DNAI1: variants seen among roughly 807,000 people sequenced by gnomAD.
The protein encoded by DNAI1 is dynein, axonemal, intermediate polypeptide 1.
In DNAI1, 67 loss-of-function variants were observed where a neutral mutation model predicts 92.0. The observed-to-expected ratio is 0.73, with a 90% CI of 0.60 to 0.89. The LOEUF (loss-of-function observed/expected upper bound fraction) is 0.89, where lower values mean the gene tolerates loss of function less well. DNAI1 is among the 40% of genes least tolerant of loss of function. DNAI1 has a pLI of 0.00. For synonymous variants in DNAI1, 323 were observed against 319.6 expected (o/e 1.01, Z -0.11); for missense variants, 839 against 866.6 (o/e 0.97, Z 0.40).
intron 1 of DNAI1, among the ~76,000 whole-genome samples, chr9:34,466,904 T>C (rs1265723786): frequency 6.6e-6 from 1 of 152,224 alleles, no homozygotes; most frequent in African/African-American, 2.4e-5. Context: ...AACATTTCCA[T>C]GAATATCTCC....
intron 8 of DNAI1, 88 bp from the exon 9 acceptor site, chr9:34,493,106 C>A: frequency 6.3e-7 from 1 of 1,583,476 alleles, no homozygotes; most frequent in Non-Finnish European, 8.7e-7. Context: ...GTTAACATGA[C>A]CAATTCCTTA....
At chr9:34,499,092 C>T (rs1824777543) in intron 10 of DNAI1, among the ~76,000 whole-genome samples, 1 of 152,168 alleles carries the variant, frequency 6.6e-6, no homozygotes, top group Non-Finnish European at 1.5e-5. Context: ...ACTCCTTTCC[C>T]TTTGGGAAAG....
At chr9:34,494,135 G>T (rs1564034504) in intron 9 of DNAI1, among the ~76,000 whole-genome samples, 1 of 152,066 alleles carries the variant, frequency 6.6e-6, no homozygotes, top group Non-Finnish European at 1.5e-5. Flanking sequence ...CTGGGGGCTG[G>T]TTTTCAGCAC....
chr9:34,516,460 G>T (rs1398755896), intron 18 of DNAI1, among the ~76,000 whole-genome samples: 1 of 152,182 alleles, frequency 6.6e-6, no homozygotes, highest in African/African-American at 2.4e-5. Context: ...GTCTGAGGGT[G>T]TGGTGAAGGT....
At chr9:34,520,519 G>C in intron 19 of DNAI1, 139 bp from the exon 20 acceptor site, 1 of 777,784 alleles carries the variant, frequency 1.3e-6, no homozygotes, top group East Asian at 2.7e-5. Flanking sequence ...GTCAGGGAGA[G>C]GGGAGGCAGG....
In DNAI1 at chr9:34,485,229, T is replaced by C. The variant is rs779175158; in HGVS notation, c.169T>C (p.Leu57=). 7 of 1,613,942 alleles carry C rather than the reference T, an allele frequency of 4.3e-6. No individual in the cohort carries two copies. Among genetic ancestry groups the C allele is most frequent in the Non-Finnish European group, 5.9e-6 (7 of 1,180,004 alleles). Residue 57 remains leucine, a synonymous_variant, in exon 3 of 20, where the codon TTG becomes CTG. Coordinates refer to ENST00000242317, the MANE Select transcript of DNAI1 (RefSeq NM_012144.4). ...ATVRPPDQLE[L]TDAELKEEFT... Reference sequence around the variant, plus strand: ...AGTTAGACCCCCTGACCAGCTGGAGTTGACCGATGCGGTGAGTGAGTAGCC... The same window carrying C: ...AGTTAGACCCCCTGACCAGCTGGAGCTGACCGATGCGGTGAGTGAGTAGCC...
At chr9:34,515,447 C>A (rs940437165) in intron 18 of DNAI1, among the ~76,000 whole-genome samples, 2 of 152,094 alleles carry the variant, frequency 1.3e-5, no homozygotes, top group African/African-American at 4.8e-5. Flanking sequence ...AGCTTATGTT[C>A]TAGTGAAGGG....
rs150107677 is a variant in DNAI1 at position 34,517,454 on chromosome 9, G to A, written c.1988G>A (p.Arg663His). 2.1e-5 allele frequency: 34 copies of A among 1,614,040 alleles called. No individual in the cohort carries two copies. Among genetic ancestry groups the A allele is most frequent in the African/African-American group, 6.7e-5 (5 of 74,906 alleles). Residue 663 changes from arginine to histidine, a missense_variant, in exon 19 of 20, where the codon CGC becomes CAC. Transcript: ENST00000242317. ...AGCCTCAAGCTCTCACCCAATTTGCGCAAGATGCCAAAGGTACAGGCTCTG... is the reference window on the plus strand; with the variant it reads ...AGCCTCAAGCTCTCACCCAATTTGCACAAGATGCCAAAGGTACAGGCTCTG... ...IISLKLSPNL[R>H]KMPKEKKGQE...
chr9:34,473,568 A>G (rs1824180573), intron 1 of DNAI1, among the ~76,000 whole-genome samples: 1 of 152,194 alleles, frequency 6.6e-6, no homozygotes, highest in South Asian at 2.1e-4. Flanking sequence ...CCGGGATTAC[A>G]GGTGTGAGCC....
intron 16 of DNAI1, 42 bp from the exon 17 acceptor site, chr9:34,514,352 G>A (rs768256558): frequency 2.0e-5 from 32 of 1,609,126 alleles, no homozygotes; most frequent in Non-Finnish European, 2.6e-5. Flanking sequence ...GGTGGCTGCT[G>A]ACCTTTCTCT....
intron 1 of DNAI1, among the ~76,000 whole-genome samples, chr9:34,467,861 A>C (rs1176276168): frequency 2.0e-5 from 3 of 152,198 alleles, no homozygotes; most frequent in Non-Finnish European, 4.4e-5. Flanking sequence ...CGTGAGTCAC[A>C]CATTTACCCT....
At chr9:34,516,074 C>G (rs773616548) in intron 18 of DNAI1, among the ~76,000 whole-genome samples, 1 of 152,134 alleles carries the variant, frequency 6.6e-6, no homozygotes, top group Non-Finnish European at 1.5e-5. Context: ...AGAGGTGACA[C>G]GCACGCTGAG....
At chr9:34,460,023 G>A (rs965664806) in intron 1 of DNAI1, among the ~76,000 whole-genome samples, 3 of 152,168 alleles carry the variant, frequency 2.0e-5, no homozygotes, top group African/African-American at 4.8e-5. Flanking sequence ...TATTTCTAGA[G>A]CCTCATATCT....
intron 18 of DNAI1, among the ~76,000 whole-genome samples, chr9:34,515,075 A>G (rs1347320894): frequency 6.6e-6 from 1 of 152,214 alleles, no homozygotes; most frequent in Non-Finnish European, 1.5e-5. Context: ...TGTATGAGCC[A>G]GAGTTGATCA....
intron 1 of DNAI1, among the ~76,000 whole-genome samples, chr9:34,481,835 A>G (rs10972134): frequency 0.023 from 3,507 of 152,326 alleles, 107 homozygotes; most frequent in East Asian, 0.12. Flanking sequence ...GCGTGGACCC[A>G]AAGAGTGAGC....
chr9:34,495,848 A>G (rs921151751), intron 9 of DNAI1, among the ~76,000 whole-genome samples: 12 of 152,168 alleles, frequency 7.9e-5, no homozygotes, highest in African/African-American at 2.9e-4. Flanking sequence ...TGGGTCAGAG[A>G]ATAGAGAGCG....
chr9:34,482,829 G>A (rs1486730353), intron 1 of DNAI1, among the ~76,000 whole-genome samples: 1 of 152,248 alleles, frequency 6.6e-6, no homozygotes, highest in Non-Finnish European at 1.5e-5. Context: ...TGCTCGTCGG[G>A]GAGGCTGGGG....
chr9:34,492,816 T>C (rs1197598386), intron 8 of DNAI1, among the ~76,000 whole-genome samples: 3 of 151,548 alleles, frequency 2.0e-5, no homozygotes, highest in East Asian at 2.0e-4. Context: ...CCACTGTGCC[T>C]GGCCTATTTT....
chr9:34,477,790 A>C (rs1824265581), intron 1 of DNAI1, among the ~76,000 whole-genome samples: 1 of 152,088 alleles, frequency 6.6e-6, no homozygotes, highest in Admixed American at 6.6e-5. Context: ...GTGAAAAAAG[A>C]ACATAATGAG....
Sources: gnomAD v4.1 joint callset for allele counts (sites outside exome capture counted in the v4.1 genomes callset) on GRCh38, gnomAD v4.1.1 for gene constraint, MANE v1.5 for transcripts, NCBI Gene and HGNC (gene_info 2026-07-23, HGNC 2026-07-21) for gene names.